Variants in POLK observed in about 807,000 individuals in gnomAD.
POLK encodes the protein polymerase (DNA directed) kappa.
Under a neutral mutation model 94.0 loss-of-function variants are expected in POLK, and 76 were observed. That is an observed-to-expected ratio of 0.81 (90% CI 0.67 to 0.98). The LOEUF (loss-of-function observed/expected upper bound fraction) is 0.98, where lower values mean the gene tolerates loss of function less well. Ranked by LOEUF, POLK falls within the 50% of genes least tolerant of loss-of-function variation. The probability of loss-of-function intolerance (pLI) is 0.00; values close to 1 mark genes in which losing one functional copy is unlikely to be tolerated. For missense variants in POLK, 954 were observed against 1,010.1 expected (o/e 0.94, Z 0.75); for synonymous variants, 349 against 325.4 (o/e 1.07, Z -0.78).
intron 3 of POLK, among the ~76,000 whole-genome samples, chr5:75,557,756 T>A (rs1201620909): frequency 6.6e-6 from 1 of 152,184 alleles, no homozygotes; most frequent in Non-Finnish European, 1.5e-5. Context: ...GTATTTCATT[T>A]TTGGAGGTTT....
intron 1 of POLK, among the ~76,000 whole-genome samples, chr5:75,527,986 T>C (rs1414847050): frequency 6.6e-6 from 1 of 152,130 alleles, no homozygotes; most frequent in African/African-American, 2.4e-5. Context: ...GATATTAGAA[T>C]ATTGGTACTC....
chr5:75,537,377 T>G (rs1196021386), intron 1 of POLK, among the ~76,000 whole-genome samples: 4 of 152,214 alleles, frequency 2.6e-5, no homozygotes, highest in African/African-American at 9.6e-5. Context: ...ACTCACCGTT[T>G]GCGGTGTTGG....
chr5:75,515,636 C>A (rs1266136865), intron 1 of POLK, among the ~76,000 whole-genome samples: 4 of 152,188 alleles, frequency 2.6e-5, no homozygotes, highest in Non-Finnish European at 5.9e-5. Context: ...AGTAGAATTG[C>A]TAGATCATAC....
chr5:75,522,778 G>A (rs1034703181), intron 1 of POLK, among the ~76,000 whole-genome samples: 1 of 151,882 alleles, frequency 6.6e-6, no homozygotes, highest in Non-Finnish European at 1.5e-5. Context: ...GGATCCCTAA[G>A]ATTCTATTAT....
chr5:75,568,137 G>A (rs1347415667), intron 3 of POLK, among the ~76,000 whole-genome samples: 1 of 152,148 alleles, frequency 6.6e-6, no homozygotes, highest in African/African-American at 2.4e-5. Flanking sequence ...ACGTTCCATA[G>A]ATGACCCCAC....
At chr5:75,549,424 T>A (rs923848046) in intron 2 of POLK, among the ~76,000 whole-genome samples, 2 of 152,208 alleles carry the variant, frequency 1.3e-5, no homozygotes, top group South Asian at 2.1e-4. Flanking sequence ...AGCCTTGATA[T>A]CTGCTAGCAC....
the POLK span, among the ~76,000 whole-genome samples, chr5:75,608,072 C>T: frequency 6.6e-6 from 1 of 152,142 alleles, no homozygotes; most frequent in South Asian, 2.1e-4. Context: ...AAACTTAAAG[C>T]TTTCAGGACT....
chr5:75,568,076 A>T (rs553194409), intron 3 of POLK, among the ~76,000 whole-genome samples: 25 of 152,202 alleles, frequency 1.6e-4, no homozygotes, highest in Non-Finnish European at 2.9e-4. Context: ...AAAAAGCCAC[A>T]TATACACCTA....
chr5:75,609,256 T>G, the POLK span: 1 of 151,920 alleles, frequency 6.6e-6, no homozygotes, highest in Non-Finnish European at 1.5e-5. Flanking sequence ...TATTTTTTAT[T>G]TATATTAAAA....
At chr5:75,570,227 A>T (rs1390453651) in intron 4 of POLK, among the ~76,000 whole-genome samples, 1 of 152,222 alleles carries the variant, frequency 6.6e-6, no homozygotes, top group African/African-American at 2.4e-5. Context: ...ACTCAGAGAG[A>T]TGTTTAATAA....
exon 6 of POLK, chr5:75,576,789 A>G (rs1482484258): frequency 2.7e-6 from 4 of 1,505,060 alleles, no homozygotes; most frequent in Non-Finnish European, 2.7e-6. Flanking sequence ...GGTTAAGGAA[A>G]TACTTGCTGA....
chr5:75,534,359 T>G lies in POLK; in HGVS notation c.-13-12651T>G, dbSNP rs190513532. ...CAAACAGGGATAGACTGACTTGGAT[T>G]GGGTTTCGACTGTCTCCTGTATGTC... On this transcript the variant is annotated intron_variant, in intron 1 of 14. Coordinates refer to ENST00000241436, the Ensembl canonical transcript of POLK. 5.7e-4 allele frequency among the ~76,000 whole-genome samples: 86 copies of G among 152,164 alleles called. 1 individual carries two copies. Among genetic ancestry groups the G allele is most frequent in the African/African-American group, 2.0e-3 (84 of 41,504 alleles).
At chr5:75,546,906 A>G (rs1471194425) in intron 1 of POLK, 104 bp from the exon 2 acceptor site, 32 of 485,898 alleles carry the variant, frequency 6.6e-5, no homozygotes, top group Admixed American at 9.7e-5. Context: ...AGCTCAGTCA[A>G]TCTGCCCGCC....
chr5:75,511,578 G>A (rs897232917), upstream of POLK: 1 of 1,462,600 alleles, frequency 6.8e-7, no homozygotes, highest in African/African-American at 1.4e-5. Flanking sequence ...TGAGTCCCGC[G>A]TCCACTCACA....
intron 7 of POLK, 65 bp from the exon 8 acceptor site, chr5:75,583,228 T>C: frequency 8.2e-7 from 1 of 1,224,940 alleles, no homozygotes; most frequent in African/African-American, 1.5e-5. Context: ...TTCTGTTTTG[T>C]TATTGCATAT....
intron 2 of POLK, among the ~76,000 whole-genome samples, chr5:75,549,250 C>A (rs1418532188): frequency 6.6e-6 from 1 of 151,828 alleles, no homozygotes; most frequent in Admixed American, 6.6e-5. Flanking sequence ...CCTAGATGTC[C>A]CTATCTATCT....
chr5:75,552,585 A>G (rs771749635), exon 3 of POLK: 5 of 1,602,140 alleles, frequency 3.1e-6, no homozygotes, highest in Admixed American at 1.8e-5. Flanking sequence ...GAAAAGCACA[A>G]TTACAGGTAT....
At chr5:75,598,183 G>A (rs1773191607) in exon 15 of POLK, 1 of 369,198 alleles carries the variant, frequency 2.7e-6, no homozygotes, top group African/African-American at 2.1e-5. Context: ...CTGATTCTGT[G>A]TATCTTTTTT....
intron 2 of POLK, among the ~76,000 whole-genome samples, chr5:75,552,111 A>G (rs1423649502): frequency 6.6e-6 from 1 of 152,164 alleles, no homozygotes; most frequent in Non-Finnish European, 1.5e-5. Flanking sequence ...TTTTAATGCA[A>G]TAGATAACTG....
Sources: allele counts gnomAD v4.1 joint callset (sites outside exome capture counted in the v4.1 genomes callset), GRCh38; gene constraint gnomAD v4.1.1; transcripts MANE v1.5; gene names NCBI Gene and HGNC (gene_info 2026-07-23, HGNC 2026-07-21).